The following TEX11 variants were observed in gnomAD, a reference collection of about 807,000 sequenced individuals.
TEX11 encodes the protein testis expressed 11, also known as testis-expressed protein 11.
Under a neutral mutation model 84.4 loss-of-function variants are expected in TEX11, and 7 were observed. That is an observed-to-expected ratio of 0.08 (90% CI 0.05 to 0.16). The LOEUF is 0.16. Among genes scored for constraint, TEX11 ranks in the 10% least tolerant of loss-of-function variants. The pLI is 1.00. For synonymous variants in TEX11, 264 were observed against 222.8 expected (o/e 1.18, Z -1.64); for missense variants, 551 against 660.5 (o/e 0.83, Z 1.82).
intron 28 of TEX11, among the ~76,000 whole-genome samples, chrX:70,539,191 C>T (rs1442519762): frequency 3.8e-5 from 4 of 106,211 alleles, no homozygotes; most frequent in Middle Eastern, 9.5e-3. Flanking sequence ...CCTACCACCA[C>T]GCCCGGCTAA....
At chrX:70,539,727 A>G (rs899415122) in intron 28 of TEX11, among the ~76,000 whole-genome samples, 1 of 111,851 alleles carries the variant, frequency 8.9e-6, no homozygotes, top group Admixed American at 9.6e-5. Context: ...ACTCTTGAAC[A>G]TTATACATAA....
At chrX:70,822,670 C>A (rs1009886444) in intron 8 of TEX11, among the ~76,000 whole-genome samples, 1 of 110,767 alleles carries the variant, frequency 9.0e-6, no homozygotes, top group Non-Finnish European at 1.9e-5. Flanking sequence ...TATTTTAAAA[C>A]GAGGTTTATT....
intron 13 of TEX11, among the ~76,000 whole-genome samples, chrX:70,696,395 C>G (rs1211655280): frequency 9.0e-6 from 1 of 111,474 alleles, no homozygotes; most frequent in Admixed American, 9.6e-5. Context: ...TGCCTCCTAC[C>G]CCATCATTTA....
chrX:70,684,139 C>G (rs767448779), intron 13 of TEX11, among the ~76,000 whole-genome samples: 123 of 112,179 alleles, frequency 1.1e-3, no homozygotes, highest in Non-Finnish European at 2.0e-3. Context: ...ACTCTAAAGA[C>G]TCCACCAAAG....
chrX:70,833,798 C>G (rs2091390549), intron 7 of TEX11, among the ~76,000 whole-genome samples: 1 of 111,655 alleles, frequency 9.0e-6, no homozygotes, highest in Non-Finnish European at 1.9e-5. Flanking sequence ...AGAGTTGATA[C>G]TGAATGAGCA....
In TEX11 at chrX:70,607,141, G is replaced by A. The variant is rs1569353803; in HGVS notation, c.1880-112C>T. ...ACCTTTGATATTAACATACTAGTAA[G>A]GGGTTTCTCAAGGTTTAAACAATTA... On this transcript the variant is annotated intron_variant, in intron 22 of 29. Transcript: ENST00000374333. The A allele has an allele frequency of 5.6e-6, 3 of 533,067 alleles. No homozygotes were observed. In the East Asian group the frequency reaches 1.2e-4, roughly 21 times the overall value. 43.9% of individuals were successfully genotyped at this position (533,067 alleles called of 1,213,427 possible). A position where few individuals can be genotyped will look rare whatever the true frequency, so the allele number is the denominator to read the frequency against.
intron 4 of TEX11, among the ~76,000 whole-genome samples, chrX:70,872,783 CTATTCTT>C (rs995234773): frequency 8.9e-6 from 1 of 112,005 alleles, no homozygotes; most frequent in Non-Finnish European, 1.9e-5. Flanking sequence ...CCTGAGGAAA[CTATTCTT>C]TACACTTTTT....
intron 11 of TEX11, among the ~76,000 whole-genome samples, chrX:70,730,798 C>A (rs111483909): frequency 9.0e-6 from 1 of 111,046 alleles, no homozygotes; most frequent in Non-Finnish European, 1.9e-5. Context: ...CTGCACCAAG[C>A]GGACCTAATA....
chrX:70,848,722 C>G (rs1481850354), intron 7 of TEX11, among the ~76,000 whole-genome samples: 1 of 111,731 alleles, frequency 9.0e-6, no homozygotes, highest in East Asian at 2.8e-4. Context: ...TTTTTAACTA[C>G]TAGGAAAGAT....
At chrX:70,721,599 C>G (rs754187303) in intron 13 of TEX11, among the ~76,000 whole-genome samples, 1 of 111,619 alleles carries the variant, frequency 9.0e-6, no homozygotes, top group African/African-American at 3.3e-5. Flanking sequence ...AAGGTTCTGG[C>G]CTCAGTTTTG....
At chrX:70,796,196 A>G (rs776430891) in intron 9 of TEX11, among the ~76,000 whole-genome samples, 2 of 112,298 alleles carry the variant, frequency 1.8e-5, no homozygotes, top group East Asian at 5.6e-4. Context: ...TCTGGAATAG[A>G]AAAATGCAAT....
At position 70,639,228 on chromosome X, in the gene TEX11, G is replaced by A. The variant is rs746005272; in HGVS notation, c.1484-9493C>T. Among the ~76,000 whole-genome samples the A allele has an allele frequency of 2.0e-4, 22 of 111,914 alleles. No homozygotes were observed. In the South Asian group the frequency reaches 2.6e-3, roughly 13 times the overall value. On this transcript the variant is annotated intron_variant, in intron 17 of 29. Coordinates refer to ENST00000374333, the MANE Select transcript of TEX11 (RefSeq NM_031276.3). ...TTTTCTCACGGGCTTAAAAAACAGC[G>A]CACCACGAGATTATATCCCGCACCT...
chrX:70,907,459 C>T (rs2091839869), intron 2 of TEX11, among the ~76,000 whole-genome samples: 1 of 109,804 alleles, frequency 9.1e-6, no homozygotes, highest in South Asian at 3.9e-4. Flanking sequence ...CAGGCTGGAG[C>T]GCAGTGGCGC....
At chrX:70,849,609 C>T (rs1003113464) in intron 7 of TEX11, among the ~76,000 whole-genome samples, 1 of 111,448 alleles carries the variant, frequency 9.0e-6, no homozygotes, top group South Asian at 3.7e-4. Context: ...TATCAAACAC[C>T]GCTATTAACC....
chrX:70,845,274 G>C (rs2091472783), intron 7 of TEX11, among the ~76,000 whole-genome samples: 1 of 110,494 alleles, frequency 9.1e-6, no homozygotes, highest in South Asian at 4.0e-4. Flanking sequence ...CGATTCTCCT[G>C]CCTCAGTCTC....
chrX:70,664,417 C>T (rs772440823), intron 16 of TEX11, among the ~76,000 whole-genome samples: 1 of 111,299 alleles, frequency 9.0e-6, no homozygotes, highest in Non-Finnish European at 1.9e-5. Context: ...ATTAAGGTCC[C>T]TTCAGATCTG....
chrX:70,802,435 T>C (rs144093668), intron 9 of TEX11, among the ~76,000 whole-genome samples: 1,244 of 111,601 alleles, frequency 0.011, 9 homozygotes, highest in African/African-American at 0.039. Context: ...AACTTGATCG[T>C]AGTAATCATT....
intron 11 of TEX11, among the ~76,000 whole-genome samples, chrX:70,733,844 C>T (rs1287960440): frequency 2.7e-5 from 3 of 111,632 alleles, no homozygotes; most frequent in African/African-American, 9.8e-5. Context: ...GCTATAAAGA[C>T]ATACGCACAC....
chrX:70,584,268 C>T (rs1186579946), intron 25 of TEX11, among the ~76,000 whole-genome samples: 1 of 98,740 alleles, frequency 1.0e-5, no homozygotes, highest in Non-Finnish European at 2.0e-5. Context: ...CTGGCCTGGG[C>T]GACAGAGCGA....
Sources: gnomAD v4.1 joint callset for allele counts (sites outside exome capture counted in the v4.1 genomes callset) on GRCh38, gnomAD v4.1.1 for gene constraint, MANE v1.5 for transcripts, NCBI Gene and HGNC (gene_info 2026-07-23, HGNC 2026-07-21) for gene names.